Variants in LRRIQ3 observed in about 807,000 individuals in gnomAD.
The protein encoded by LRRIQ3 is leucine rich repeats and IQ motif containing 3.
Under a neutral mutation model 59.3 loss-of-function variants are expected in LRRIQ3, and 75 were observed. The ratio of observed to expected loss-of-function variants is 1.26; its 90% CI spans 1.05 to 1.53. The LOEUF (loss-of-function observed/expected upper bound fraction) is 1.53. LRRIQ3 is among the 40% of genes most tolerant of loss of function. The probability of loss-of-function intolerance (pLI) is 0.00; values close to 1 mark genes in which losing one functional copy is unlikely to be tolerated. For missense variants in LRRIQ3, 831 were observed against 710.0 expected, an observed-to-expected ratio of 1.17 and a Z score of -1.94; for synonymous variants, 250 against 231.3, an observed-to-expected ratio of 1.08 and a Z score of -0.73.
intron 7 of LRRIQ3, among the ~76,000 whole-genome samples, chr1:74,028,475 T>C (rs1653588340): frequency 6.6e-6 from 1 of 152,030 alleles, no homozygotes; most frequent in Non-Finnish European, 1.5e-5. Flanking sequence ...TGGATAATAG[T>C]GGCCTTCAAC....
At chr1:74,040,280 GA>G (rs1275005819) in intron 7 of LRRIQ3, among the ~76,000 whole-genome samples, 8 of 152,094 alleles carry the variant, frequency 5.3e-5, no homozygotes, top group African/African-American at 1.4e-4. Context: ...GCAGCACCTG[GA>G]TCCATAAAAC....
chr1:74,183,011 T>C (rs1441178539), intron 2 of LRRIQ3, 150 bp from the exon 3 acceptor site: 8 of 483,424 alleles, frequency 1.7e-5, no homozygotes, highest in Admixed American at 7.6e-5. Context: ...AATTATCCAA[T>C]GATGGCCAGT....
chr1:74,140,160 A>G (rs1647207285), intron 4 of LRRIQ3, among the ~76,000 whole-genome samples: 1 of 151,942 alleles, frequency 6.6e-6, no homozygotes, highest in South Asian at 2.1e-4. Flanking sequence ...TAAAAAATCA[A>G]ACTCTGTTAT....
At chr1:74,186,719 A>G (rs1195541118) in intron 1 of LRRIQ3, among the ~76,000 whole-genome samples, 2 of 152,162 alleles carry the variant, frequency 1.3e-5, no homozygotes, top group Non-Finnish European at 2.9e-5. Context: ...AATGCTCATG[A>G]TATTACTTAA....
chr1:74,129,590 G>T (rs79698991), intron 4 of LRRIQ3, among the ~76,000 whole-genome samples: 1 of 151,902 alleles, frequency 6.6e-6, no homozygotes, highest in Non-Finnish European at 1.5e-5. Context: ...GGCCAAGCTG[G>T]TACCTAATCT....
intron 3 of LRRIQ3, among the ~76,000 whole-genome samples, chr1:74,171,106 T>C (rs929998917): frequency 6.6e-6 from 1 of 152,200 alleles, no homozygotes; most frequent in Non-Finnish European, 1.5e-5. Flanking sequence ...CAAGTAGAGA[T>C]AATTTTACTT....
intron 3 of LRRIQ3, among the ~76,000 whole-genome samples, chr1:74,165,540 T>G (rs1413526957): frequency 1.3e-5 from 2 of 151,588 alleles, no homozygotes; most frequent in Non-Finnish European, 3.0e-5. Context: ...CAAATAGAGT[T>G]GTATTTCCTC....
Position 74,172,197 on chromosome 1 carries a change from A to AT in LRRIQ3, c.573+10340dup, listed in dbSNP as rs1205646267. 5.3e-5 allele frequency among the ~76,000 whole-genome samples: 8 copies of AT among 151,894 alleles called. No individual in the cohort carries two copies. In the South Asian group the frequency reaches 1.2e-3, roughly 24 times the overall value. On this transcript the variant is annotated intron_variant, in intron 3 of 7. Transcript: ENST00000354431. ...TTCAGGTGTACAGTTGGTTGAGATC[A>AT]TTTTTTCTTTTTTAAAATAGATTTC...
intron 6 of LRRIQ3, among the ~76,000 whole-genome samples, 153 bp downstream of exon 6, chr1:74,074,508 C>A (rs1013471717): frequency 1.3e-5 from 2 of 151,976 alleles, no homozygotes; most frequent in African/African-American, 4.8e-5. Context: ...TCATTTGCTC[C>A]AAGATATGGA....
At chr1:74,184,930 C>T (rs1033595898) in intron 1 of LRRIQ3, among the ~76,000 whole-genome samples, 1 of 152,122 alleles carries the variant, frequency 6.6e-6, no homozygotes, top group African/African-American at 2.4e-5. Flanking sequence ...TAAGTCTTTC[C>T]TCATTTAAAG....
At chr1:74,081,902 T>C (rs1418280284) in intron 5 of LRRIQ3, 1 of 151,554 alleles carries the variant, frequency 6.6e-6, no homozygotes, top group East Asian at 1.9e-4. Flanking sequence ...ATATCATAGT[T>C]ATGTCCATTG....
At chr1:74,141,350 A>G (rs1211091113) in intron 4 of LRRIQ3, among the ~76,000 whole-genome samples, 3 of 151,890 alleles carry the variant, frequency 2.0e-5, no homozygotes, top group South Asian at 2.1e-4. Context: ...GATTCTAAAA[A>G]TAAGCATGGA....
chr1:74,042,685 T>A (rs947780582), intron 6 of LRRIQ3, among the ~76,000 whole-genome samples: 2 of 152,140 alleles, frequency 1.3e-5, no homozygotes, highest in Non-Finnish European at 2.9e-5. Context: ...CTTATTTTTC[T>A]TAACTCTGGT....
intron 5 of LRRIQ3, 127 bp downstream of exon 5, chr1:74,109,267 A>C (rs1646655796): frequency 1.4e-6 from 1 of 739,954 alleles, no homozygotes; most frequent in Non-Finnish European, 2.2e-6. Flanking sequence ...AAAAAATATA[A>C]AGCAGGATAT....
At chr1:74,035,002 T>C (rs538296520) in intron 7 of LRRIQ3, among the ~76,000 whole-genome samples, 38 of 151,990 alleles carry the variant, frequency 2.5e-4, no homozygotes, top group African/African-American at 7.7e-4. Flanking sequence ...AGAGAAAAAA[T>C]GTGTGAAAGA....
chr1:74,167,932 C>G (rs756338096), intron 3 of LRRIQ3, among the ~76,000 whole-genome samples: 2 of 151,734 alleles, frequency 1.3e-5, no homozygotes, highest in Non-Finnish European at 2.9e-5. Flanking sequence ...GATAGCACAC[C>G]CTGTATGATT....
At chr1:74,032,457 AT>A (rs1653747712) in intron 7 of LRRIQ3, among the ~76,000 whole-genome samples, 1 of 151,994 alleles carries the variant, frequency 6.6e-6, no homozygotes, top group African/African-American at 2.4e-5. Flanking sequence ...AATGGTTCTC[AT>A]TTAGGTCTTG....
chr1:74,194,824 T>A (rs1183472941), intron 1 of LRRIQ3, among the ~76,000 whole-genome samples: 1 of 152,198 alleles, frequency 6.6e-6, no homozygotes, highest in Non-Finnish European at 1.5e-5. Flanking sequence ...AAGCCATTAA[T>A]ACCTTTTTCT....
At position 74,178,176 on chromosome 1, in the gene LRRIQ3, T is replaced by C. The variant is rs1649759747; in HGVS notation, c.573+4362A>G. On this transcript the variant is annotated intron_variant, in intron 3 of 7. Transcript: ENST00000354431. Reference sequence around the variant, plus strand: ...TTATGTTCATCTGTTCACCATTACTTTGGTTTTTGGAATCAATCTTGCCAA... The same window carrying C: ...TTATGTTCATCTGTTCACCATTACTCTGGTTTTTGGAATCAATCTTGCCAA... Among the ~76,000 whole-genome samples, 6 of 151,958 alleles carry C rather than the reference T, an allele frequency of 3.9e-5. No individual in the cohort carries two copies. The South Asian group carries it at 1.0e-3, about 26-fold the overall frequency.
Sources: allele counts gnomAD v4.1 joint callset (sites outside exome capture counted in the v4.1 genomes callset), GRCh38; gene constraint gnomAD v4.1.1; transcripts MANE v1.5; gene names NCBI Gene and HGNC (gene_info 2026-07-23, HGNC 2026-07-21).